CACNA1E: variants seen among roughly 807,000 people sequenced by gnomAD.
CACNA1E encodes calcium voltage-gated channel subunit alpha1 E, also known as voltage-dependent R-type calcium channel subunit alpha-1E.
Under a neutral mutation model 259.2 loss-of-function variants are expected in CACNA1E, and 40 were observed. The ratio of observed to expected loss-of-function variants is 0.15; its 90% CI spans 0.12 to 0.20. CACNA1E has a LOEUF of 0.20. CACNA1E is among the 10% of genes least tolerant of loss of function. The pLI is 1.00. For missense variants in CACNA1E, 1,874 were observed against 3,040.1 expected (o/e 0.62, Z 9.02); for synonymous variants, 1,104 against 1,138.5 (o/e 0.97, Z 0.61).
chr1:181,400,151 C>T (rs2102077686), intron 1 of CACNA1E, among the ~76,000 whole-genome samples: 1 of 152,302 alleles, frequency 6.6e-6, no homozygotes, highest in East Asian at 1.9e-4. Flanking sequence ...TCACAAAACT[C>T]AGGTTATAAA....
rs751409680 is a variant in CACNA1E, at chr1:181,577,783, G to A, written c.530G>A (p.Gly177Glu). 1.5e-5 allele frequency: 24 copies of A among 1,608,698 alleles called. No individual in the cohort carries two copies. Among genetic ancestry groups the A allele is most frequent in the Middle Eastern group, 3.3e-4 (2 of 6,078 alleles). Residue 177 changes from glycine to glutamate, a missense_variant, in exon 4 of 48, where the codon GGA becomes GAA. Coordinates refer to ENST00000367573, the MANE Select transcript of CACNA1E (RefSeq NM_001205293.3). Reference protein sequence around the residue: ...VVLSGILATAGTHFNTHVDLR... With the variant: ...VVLSGILATAETHFNTHVDLR... ...GTCTGCAGCATCCTGGCCACTGCAG[G>A]AACCCACTTCAATACTCACGTGGAC...
intron 1 of CACNA1E, among the ~76,000 whole-genome samples, chr1:181,356,988 G>A (rs987728329): frequency 3.3e-5 from 5 of 152,138 alleles, no homozygotes; most frequent in Non-Finnish European, 7.4e-5. Flanking sequence ...TTGGGTAAAC[G>A]ACGGTTCATT....
At chr1:181,400,574 C>T (rs1341492987) in intron 1 of CACNA1E, among the ~76,000 whole-genome samples, 1 of 152,152 alleles carries the variant, frequency 6.6e-6, no homozygotes, top group East Asian at 1.9e-4. Flanking sequence ...CTCCTCCTTG[C>T]CCAAGCCTCG....
chr1:181,713,723 C>A (rs1653620557), intron 8 of CACNA1E, among the ~76,000 whole-genome samples: 1 of 152,132 alleles, frequency 6.6e-6, no homozygotes, highest in Non-Finnish European at 1.5e-5. Flanking sequence ...CCTCTGGCTC[C>A]CTGGCCTATG....
At position 181,776,499 on chromosome 1, in the gene CACNA1E, C is replaced by T. The variant is rs901271774; in HGVS notation, c.5267+271C>T. On this transcript the variant is annotated intron_variant, in intron 38 of 47. Transcript: ENST00000367573. This position sits in a 1 kb window ranked among gnomAD's most constrained non-coding sequence, Gnocchi z 4.4. The stretch of plus-strand genomic sequence containing the variant: ...CAGTCCTCACCTCAGATTATTTGGG[C>T]TCAGTCCCAAGAGAACTTTCCAATA... 2 of 355,118 alleles carry T rather than the reference C, an allele frequency of 5.6e-6. No individual in the cohort carries two copies. Among genetic ancestry groups the T allele is most frequent in the Admixed American group, 4.4e-5 (1 of 22,904 alleles). The allele number at this position is 355,118 out of a possible 1,614,324, so 22.0% of individuals were successfully genotyped here.
At chr1:181,423,389 A>T (rs1023740839) in intron 2 of CACNA1E, among the ~76,000 whole-genome samples, 17 of 152,174 alleles carry the variant, frequency 1.1e-4, no homozygotes, top group African/African-American at 3.9e-4. Flanking sequence ...CAGGTGAGGA[A>T]GCTGGGGTCC....
At position 181,715,111 on chromosome 1, in the gene CACNA1E, G is replaced by A. The variant is rs139094772; in HGVS notation, c.1172-227G>A. ...GAACAGGAGTATCAGACACAGAGCC[G>A]ATTGTTACCCCAAACACCCCCTCCC... On this transcript the variant is annotated intron_variant, in intron 8 of 47. Transcript: ENST00000367573. Among the ~76,000 whole-genome samples, 50 of 152,224 alleles carry A rather than the reference G, an allele frequency of 3.3e-4. No individual in the cohort carries two copies. The East Asian group carries it at 9.3e-3, about 28-fold the overall frequency.
chr1:181,759,959 T>C (rs894508542), intron 32 of CACNA1E, among the ~76,000 whole-genome samples: 2 of 152,168 alleles, frequency 1.3e-5, no homozygotes, highest in Admixed American at 1.3e-4. Flanking sequence ...GTTGGCTGCA[T>C]TGTGTTTGCC....
In CACNA1E at chr1:181,718,233, G is replaced by C. The variant is rs372622574; in HGVS notation, c.1638+66G>C. ...GATATGCCCTGGTTTTAGATAAGCAGCTTGCTCCTTACTCAGCATGAGGCA... is the reference window on the plus strand; with the variant it reads ...GATATGCCCTGGTTTTAGATAAGCACCTTGCTCCTTACTCAGCATGAGGCA... On this transcript the variant is annotated intron_variant, in intron 12 of 47. Transcript: ENST00000367573. 1.0e-4 allele frequency: 81 copies of C among 781,226 alleles called. 2 individuals carry two copies. The highest frequency in any genetic ancestry group is 8.6e-4 in the East Asian group (34 of 39,428). The allele number at this position is 781,226 out of a possible 1,614,324, so 48.4% of individuals were successfully genotyped here.
chr1:181,558,515 G>C (rs1480224145), intron 3 of CACNA1E, among the ~76,000 whole-genome samples: 1 of 152,180 alleles, frequency 6.6e-6, no homozygotes, highest in East Asian at 1.9e-4. Flanking sequence ...GCAAGTGCAT[G>C]CTGAACAGTG....
chr1:181,525,984 C>A (rs1421904743), intron 3 of CACNA1E, among the ~76,000 whole-genome samples: 1 of 152,110 alleles, frequency 6.6e-6, no homozygotes, highest in Non-Finnish European at 1.5e-5. Context: ...ATTTTTCAGC[C>A]TCCTTGATAT....
At chr1:181,796,565 G>T in intron 46 of CACNA1E, 103 bp from the exon 47 acceptor site, 1 of 829,374 alleles carries the variant, frequency 1.2e-6, no homozygotes, top group East Asian at 2.8e-5. Flanking sequence ...TCCTCTGAGG[G>T]CCCAACCCCA....
chr1:181,540,671 G>A (rs1450896952), intron 3 of CACNA1E, among the ~76,000 whole-genome samples: 1 of 152,174 alleles, frequency 6.6e-6, no homozygotes, highest in African/African-American at 2.4e-5. Flanking sequence ...TGAAGACAGA[G>A]GGACACTGAC....
chr1:181,740,311 T>G (rs1038576645), intron 25 of CACNA1E, among the ~76,000 whole-genome samples: 2 of 152,198 alleles, frequency 1.3e-5, no homozygotes, highest in Non-Finnish European at 2.9e-5. Context: ...TGAGTGGTTT[T>G]CCCTCCAAGG....
intron 1 of CACNA1E, among the ~76,000 whole-genome samples, chr1:181,500,009 C>T (rs1367114040): frequency 6.6e-6 from 1 of 152,166 alleles, no homozygotes; most frequent in Non-Finnish European, 1.5e-5. Flanking sequence ...ATTGACAAAG[C>T]CATTCACCTG....
rs1230927395 is a variant in CACNA1E, at chr1:181,776,746, A to G, written c.5267+518A>G. Among the ~76,000 whole-genome samples, 1 of 152,236 alleles carries G rather than the reference A, an allele frequency of 6.6e-6. No homozygotes were observed. Among genetic ancestry groups the G allele is most frequent in the Non-Finnish European group, 1.5e-5 (1 of 68,044 alleles). ...TTAAATATTTGTGGATTTTTATTACATGGAACTAAATTAAATGGTAGGAAT... is the reference window on the plus strand; with the variant it reads ...TTAAATATTTGTGGATTTTTATTACGTGGAACTAAATTAAATGGTAGGAAT... On this transcript the variant is annotated intron_variant, in intron 38 of 47. Transcript: ENST00000367573. The surrounding 1 kb of genome is among the most constrained non-coding windows in gnomAD (Gnocchi z 4.4).
chr1:181,622,137 G>A (rs1455521894), intron 6 of CACNA1E, among the ~76,000 whole-genome samples: 2 of 152,198 alleles, frequency 1.3e-5, no homozygotes, highest in Non-Finnish European at 2.9e-5. Flanking sequence ...TGGTCCATCA[G>A]AGCTGCCTCA....
At chr1:181,772,018 A>C (rs528145502) in intron 36 of CACNA1E, 48 bp from the exon 37 acceptor site, 1 of 1,563,092 alleles carries the variant, frequency 6.4e-7, no homozygotes, top group African/African-American at 1.4e-5. Flanking sequence ...AGAATATGAT[A>C]GGATCTGCAG....
At chr1:181,462,012 C>T (rs564568056) in intron 2 of CACNA1E, among the ~76,000 whole-genome samples, 6 of 152,140 alleles carry the variant, frequency 3.9e-5, no homozygotes, top group Non-Finnish European at 8.8e-5. Flanking sequence ...GCACATCTTG[C>T]TTTTGTAACC....
Sources: allele counts gnomAD v4.1 joint callset (sites outside exome capture counted in the v4.1 genomes callset), GRCh38; gene constraint gnomAD v4.1.1; non-coding constraint Gnocchi (gnomAD v3.1); transcripts MANE v1.5; gene names NCBI Gene and HGNC (gene_info 2026-07-23, HGNC 2026-07-21).